SLC38A3: variants seen among roughly 807,000 people sequenced by gnomAD.
The protein encoded by SLC38A3 is sodium-coupled neutral amino acid transporter 3.
Under a neutral mutation model 59.5 loss-of-function variants are expected in SLC38A3, and 17 were observed. The ratio of observed to expected loss-of-function variants is 0.29; its 90% CI spans 0.20 to 0.43. The LOEUF (loss-of-function observed/expected upper bound fraction) is 0.43. Among genes scored for constraint, SLC38A3 ranks in the 20% least tolerant of loss-of-function variants. The pLI, the probability that SLC38A3 is intolerant of heterozygous loss-of-function variation, is 1.00. For synonymous variants in SLC38A3, 238 were observed against 260.3 expected (o/e 0.91, Z 0.82); for missense variants, 454 against 653.9 (o/e 0.69, Z 3.33).
At position 50,218,774 on chromosome 3, in the gene SLC38A3, G is replaced by T; in HGVS notation, c.1162-30G>T. 1 of 1,599,138 alleles carries T rather than the reference G, an allele frequency of 6.3e-7. No homozygotes were observed. Among genetic ancestry groups the T allele is most frequent in the Non-Finnish European group, 8.6e-7 (1 of 1,167,658 alleles). ...GCGGGAGGGGCTGATGGGGCCAACA[G>T]GCTGATGATTCTTCTCACCTGCCCC... On this transcript the variant is annotated intron_variant, in intron 13 of 15. Transcript: ENST00000614032. This position sits in a 1 kb window ranked among gnomAD's most constrained non-coding sequence, Gnocchi z 5.8.
chr3:50,206,817 G>A (rs953632565), intron 1 of SLC38A3, among the ~76,000 whole-genome samples: 4 of 152,224 alleles, frequency 2.6e-5, no homozygotes, highest in African/African-American at 9.7e-5. Context: ...ACTCCTTGTT[G>A]TGTGCTGGTT....
At chr3:50,216,908 G>T (rs1699826528) in intron 7 of SLC38A3, among the ~76,000 whole-genome samples, 2 of 152,242 alleles carry the variant, frequency 1.3e-5, no homozygotes, top group African/African-American at 4.8e-5. Flanking sequence ...GAGTAGCTGA[G>T]ATTATAGGCG....
At position 50,218,154 on chromosome 3, in the gene SLC38A3, G is replaced by C; in HGVS notation, c.936-116G>C. The stretch of plus-strand genomic sequence containing the variant: ...GAGAGGTGATTATGAGCAAGAAGGA[G>C]ACTCCCTCAGATGCTGAATGGTGAA... On this transcript the variant is annotated intron_variant, in intron 11 of 15. Coordinates refer to ENST00000614032, the MANE Select transcript of SLC38A3 (RefSeq NM_006841.6). The surrounding 1 kb of genome is among the most constrained non-coding windows in gnomAD (Gnocchi z 5.8). 1 of 1,042,714 alleles carries C rather than the reference G, an allele frequency of 9.6e-7. No homozygotes were observed. Among genetic ancestry groups the C allele is most frequent in the South Asian group, 1.4e-5 (1 of 73,470 alleles). The allele number at this position is 1,042,714 out of a possible 1,614,324, so 64.6% of individuals were successfully genotyped here.
chr3:50,220,438 GC>G lies in SLC38A3; in HGVS notation c.*264del. 6.0e-6 allele frequency: 3 copies of G among 497,232 alleles called. No homozygotes were observed. The highest frequency in any genetic ancestry group is 1.1e-5 in the Non-Finnish European group (3 of 272,042). The allele number at this position is 497,232 out of a possible 1,614,324, so 30.8% of individuals were successfully genotyped here. A position where few individuals can be genotyped will look rare whatever the true frequency, so the allele number is the denominator to read the frequency against. ...GGGTAGGGCTGTCGCCTTAGATCCC[GC>G]CCAAGCCCCTCATTCCCTCCTTGCA... On this transcript the variant is annotated 3_prime_UTR_variant, in exon 16 of 16. Transcript: ENST00000614032.
At position 50,214,597 on chromosome 3, in the gene SLC38A3, GC is replaced by G; in HGVS notation, c.184-52del. On this transcript the variant is annotated intron_variant, in intron 3 of 15. Coordinates refer to ENST00000614032, the MANE Select transcript of SLC38A3 (RefSeq NM_006841.6). This position sits in a 1 kb window ranked among gnomAD's most constrained non-coding sequence, Gnocchi z 6.0. ...GGGACAGTCAGGGGAAGGCTGCGAT[GC>G]CCCTGTCCCTTGCTGACTCCTCCCA... The G allele has an allele frequency of 6.8e-7, 1 of 1,478,768 alleles. No individual in the cohort carries two copies. The highest frequency in any genetic ancestry group is 9.3e-7 in the Non-Finnish European group (1 of 1,073,804). The allele number at this position is 1,478,768 out of a possible 1,614,324, so 91.6% of individuals were successfully genotyped here.
chr3:50,217,655 C>T lies in SLC38A3; in HGVS notation c.691-21C>T. The T allele has an allele frequency of 6.2e-7, 1 of 1,612,704 alleles. No homozygotes were observed. On this transcript the variant is annotated intron_variant, in intron 9 of 15. Transcript: ENST00000614032. This position sits in a 1 kb window ranked among gnomAD's most constrained non-coding sequence, Gnocchi z 4.9. Reference sequence around the variant, plus strand: ...AGTCCAGCCTGGGAGTCTCTGACACCCTCATCCCTCCCCACTCCAGGTCAT... The same window carrying T: ...AGTCCAGCCTGGGAGTCTCTGACACTCTCATCCCTCCCCACTCCAGGTCAT...
intron 1 of SLC38A3, among the ~76,000 whole-genome samples, chr3:50,208,280 T>C (rs1699672676): frequency 7.5e-6 from 1 of 133,840 alleles, no homozygotes; most frequent in Admixed American, 7.9e-5. Context: ...TTTTTTTTTT[T>C]GAGATAGGGT....
chr3:50,215,852 G>T lies in SLC38A3; in HGVS notation c.548+31G>T. On this transcript the variant is annotated intron_variant, in intron 7 of 15. Coordinates refer to ENST00000614032, the MANE Select transcript of SLC38A3 (RefSeq NM_006841.6). This position sits in a 1 kb window ranked among gnomAD's most constrained non-coding sequence, Gnocchi z 7.1. ...CCCTGGCGTGGGGAGGGGAGGGGAG[G>T]GGTGCGGTGCAGTGAGGAGGGGTGG... 8.3e-7 allele frequency: 1 copy of T among 1,210,136 alleles called. No homozygotes were observed. The highest frequency in any genetic ancestry group is 2.6e-5 in the East Asian group (1 of 39,158). The allele number at this position is 1,210,136 out of a possible 1,614,324, so 75.0% of individuals were successfully genotyped here.
chr3:50,213,072 G>A (rs973215407), intron 1 of SLC38A3, among the ~76,000 whole-genome samples: 10 of 152,230 alleles, frequency 6.6e-5, no homozygotes, highest in African/African-American at 2.4e-4. Context: ...TGGACCCAGT[G>A]ATGGGAGAGA....
chr3:50,206,679 A>G (rs753160052), intron 1 of SLC38A3, among the ~76,000 whole-genome samples: 3 of 152,258 alleles, frequency 2.0e-5, no homozygotes, highest in Non-Finnish European at 4.4e-5. Flanking sequence ...CTGAAACCAG[A>G]AATGGGAATC....
In SLC38A3 at chr3:50,219,995, C is replaced by G. The variant is rs1244486241; in HGVS notation, c.1410+11C>G. ...ACCCCCAAAATCCTGGTGCGAGGGG[C>G]CTGGAGGCCGGTGGGCTGGTATGGG... On this transcript the variant is annotated intron_variant, in intron 15 of 15. Transcript: ENST00000614032. 6.2e-7 allele frequency: 1 copy of G among 1,608,902 alleles called. No individual in the cohort carries two copies. Among genetic ancestry groups the G allele is most frequent in the Admixed American group, 1.7e-5 (1 of 59,276 alleles).
intron 1 of SLC38A3, among the ~76,000 whole-genome samples, chr3:50,205,769 G>A (rs1699637675): frequency 6.6e-6 from 1 of 152,272 alleles, no homozygotes; most frequent in African/African-American, 2.4e-5. Context: ...GGGGCCTGGA[G>A]CAGTCCCTGG....
intron 14 of SLC38A3, 108 bp from the exon 15 acceptor site, chr3:50,219,773 A>G (rs923901671): frequency 4.4e-6 from 4 of 907,478 alleles, no homozygotes; most frequent in Admixed American, 2.1e-5. Context: ...TGGTCTCAAC[A>G]TGAAACTCCC....
chr3:50,214,260 G>A lies in SLC38A3; in HGVS notation c.61G>A (p.Gly21Arg). 4.3e-6 allele frequency: 7 copies of A among 1,613,922 alleles called. No individual in the cohort carries two copies. Among genetic ancestry groups the A allele is most frequent in the Non-Finnish European group, 5.1e-6 (6 of 1,179,862 alleles). Residue 21 changes from glycine to arginine, a missense_variant, in exon 2 of 16, where the codon GGG becomes AGG. Gly to Arg is a moderately radical substitution (Grantham distance 125). Around this residue, in one of 3 missense-constraint regions of SLC38A3, gnomAD observed 390 missense variants for 557.9 expected, o/e 0.70. Coordinates refer to ENST00000614032, the MANE Select transcript of SLC38A3 (RefSeq NM_006841.6). The surrounding 1 kb of genome is among the most constrained non-coding windows in gnomAD (Gnocchi z 6.0). ...ELVPNGKHSE[G>R]LLPVITPMAG... is the part of the protein sequence containing the mutation. ...GGTGCCCAATGGCAAACACTCAGAGGGGCTGCTCCCGGTCATCACCCCCAT... is the reference window on the plus strand; with the variant it reads ...GGTGCCCAATGGCAAACACTCAGAGAGGCTGCTCCCGGTCATCACCCCCAT...
At chr3:50,206,493 C>A (rs953587267) in intron 1 of SLC38A3, among the ~76,000 whole-genome samples, 2 of 152,238 alleles carry the variant, frequency 1.3e-5, no homozygotes, top group African/African-American at 4.8e-5. Flanking sequence ...GGAAGCACAT[C>A]CCTCGGGGCT....
Position 50,214,956 on chromosome 3 carries a change from C to A in SLC38A3, c.299+188C>A. On this transcript the variant is annotated intron_variant, in intron 4 of 15. Transcript: ENST00000614032. This position sits in a 1 kb window ranked among gnomAD's most constrained non-coding sequence, Gnocchi z 6.0. Reference sequence around the variant, plus strand: ...AAATATACCTCACTGCCCAGTAAACCGACTGAGGTCACAACACAGGCCGGT... The same window carrying A: ...AAATATACCTCACTGCCCAGTAAACAGACTGAGGTCACAACACAGGCCGGT... The A allele has an allele frequency of 1.6e-6, 1 of 613,646 alleles. No individual in the cohort carries two copies. Among genetic ancestry groups the A allele is most frequent in the South Asian group, 1.9e-5 (1 of 51,408 alleles). 38.0% of individuals were successfully genotyped at this position (613,646 alleles called of 1,614,324 possible).
Position 50,220,287 on chromosome 3 carries a change from CTG to C in SLC38A3, c.*113_*114del, listed in dbSNP as rs1326444309. The stretch of plus-strand genomic sequence containing the variant: ...GGGGAGGAGAAAGACGCGATTAACA[CTG>C]TGGCATTCAGCCAGGCCCCATGTCC... On this transcript the variant is annotated 3_prime_UTR_variant, in exon 16 of 16. Coordinates refer to ENST00000614032, the MANE Select transcript of SLC38A3 (RefSeq NM_006841.6). The C allele has an allele frequency of 2.4e-5, 20 of 825,532 alleles. No homozygotes were observed. Among genetic ancestry groups the C allele is most frequent in the South Asian group, 1.8e-4 (12 of 65,606 alleles). The allele number at this position is 825,532 out of a possible 1,614,324, so 51.1% of individuals were successfully genotyped here. A position where few individuals can be genotyped will look rare whatever the true frequency, so the allele number is the denominator to read the frequency against.
Position 50,217,938 on chromosome 3 carries a change from A to G in SLC38A3, c.877A>G (p.Met293Val). Residue 293 changes from methionine (M) to valine (V), a missense_variant, in exon 11 of 16, where the codon ATG becomes GTG. Transcript: ENST00000614032. The surrounding 1 kb of genome is among the most constrained non-coding windows in gnomAD (Gnocchi z 4.9). ...NSQTAYTIPI[M>V]AFAFVCHPEV... The stretch of plus-strand genomic sequence containing the variant: ...CCAGACAGCATACACCATCCCCATC[A>G]TGGCCTTCGCCTTCGTCTGCCACCC... 2 of 1,613,894 alleles carry G rather than the reference A, an allele frequency of 1.2e-6. No homozygotes were observed. Among genetic ancestry groups the G allele is most frequent in the Non-Finnish European group, 8.5e-7 (1 of 1,179,856 alleles).
intron 1 of SLC38A3, among the ~76,000 whole-genome samples, chr3:50,210,456 C>T (rs1028978209): frequency 2.6e-5 from 4 of 152,272 alleles, no homozygotes; most frequent in African/African-American, 7.2e-5. Context: ...AAAAAGAGTG[C>T]GAAGGCCTCC....
Sources: gnomAD v4.1 joint callset for allele counts (sites outside exome capture counted in the v4.1 genomes callset) on GRCh38, gnomAD v4.1.1 for gene constraint, gnomAD v4.1.1 regional missense constraint, Gnocchi (gnomAD v3.1) non-coding constraint, MANE v1.5 for transcripts, NCBI Gene and HGNC (gene_info 2026-07-23, HGNC 2026-07-21) for gene names.